THRB: variants seen among roughly 807,000 people sequenced by gnomAD.
The protein encoded by THRB is thyroid hormone receptor beta.
A neutral mutation model predicts 47.8 loss-of-function variants in THRB; 12 were observed. The ratio of observed to expected loss-of-function variants is 0.25; its 90% confidence interval spans 0.16 to 0.41. The LOEUF (loss-of-function observed/expected upper bound fraction) is 0.41. THRB is among the 10% of genes least tolerant of loss of function. THRB has a pLI of 1.00. For synonymous variants in THRB, 218 were observed against 212.2 expected (o/e 1.03, Z -0.24); for missense variants, 348 against 589.2 (o/e 0.59, Z 4.24).
At chr3:24,478,615 G>C (rs1220853826) in intron 1 of THRB, among the ~76,000 whole-genome samples, 1 of 152,146 alleles carries the variant, frequency 6.6e-6, no homozygotes, top group Non-Finnish European at 1.5e-5. Context: ...AGGATAGGAA[G>C]AGGCAGTGAG....
At chr3:24,280,062 ATTAT>A (rs1357402132) in intron 3 of THRB, among the ~76,000 whole-genome samples, 6 of 152,198 alleles carry the variant, frequency 3.9e-5, no homozygotes, top group African/African-American at 1.4e-4. Flanking sequence ...CTCAAAGATA[ATTAT>A]TTATTATCTT....
intron 1 of THRB, among the ~76,000 whole-genome samples, chr3:24,441,825 T>C (rs1183686823): frequency 2.0e-5 from 3 of 152,174 alleles, no homozygotes; most frequent in Admixed American, 2.0e-4. Flanking sequence ...TATCTCACTC[T>C]AGTCTCCCCA....
chr3:24,438,061 C>T (rs2125363986), intron 1 of THRB, among the ~76,000 whole-genome samples: 1 of 143,894 alleles, frequency 6.9e-6, no homozygotes, highest in Middle Eastern at 3.5e-3. Context: ...CTTCATGAGA[C>T]TGACAGTTAG....
At chr3:24,257,664 GT>G (rs2051444858) in intron 3 of THRB, among the ~76,000 whole-genome samples, 1 of 152,220 alleles carries the variant, frequency 6.6e-6, no homozygotes, top group Non-Finnish European at 1.5e-5. Context: ...CACAGACAAT[GT>G]TAAGTGAATG....
chr3:24,435,462 A>G (rs1477607771), intron 1 of THRB, among the ~76,000 whole-genome samples: 1 of 152,164 alleles, frequency 6.6e-6, no homozygotes, highest in Admixed American at 6.6e-5. Context: ...CGGTAGGTAA[A>G]GGACAGAAAT....
At chr3:24,446,667 T>C (rs1443047952) in intron 1 of THRB, among the ~76,000 whole-genome samples, 4 of 152,126 alleles carry the variant, frequency 2.6e-5, no homozygotes, top group Non-Finnish European at 4.4e-5. Flanking sequence ...GTATAATTCA[T>C]GGAGCTTTAT....
intron 1 of THRB, among the ~76,000 whole-genome samples, chr3:24,439,331 A>ATC (rs2071297734): frequency 1.3e-5 from 2 of 152,130 alleles, no homozygotes; most frequent in South Asian, 2.1e-4. Flanking sequence ...CACTAACAGC[A>ATC]TCTACTATAG....
intron 1 of THRB, among the ~76,000 whole-genome samples, chr3:24,434,276 G>A (rs1247508156): frequency 6.6e-6 from 1 of 152,166 alleles, no homozygotes; most frequent in African/African-American, 2.4e-5. Context: ...GATTTGCCTT[G>A]GAGCCTTCTG....
chr3:24,316,555 G>A (rs1029335426), intron 2 of THRB, among the ~76,000 whole-genome samples: 3 of 150,356 alleles, frequency 2.0e-5, no homozygotes, highest in African/African-American at 7.4e-5. Context: ...CTCACCTGAT[G>A]CCCCTAGAGT....
Position 24,165,071 on chromosome 3 carries a change from G to A in THRB, c.284-12581C>T, listed in dbSNP as rs759774491. 5.2e-6 allele frequency: 4 copies of A among 763,372 alleles called. No homozygotes were observed. The South Asian group carries it at 5.4e-5, about 10-fold the overall frequency. The allele number at this position is 763,372 out of a possible 1,614,324, so 47.3% of individuals were successfully genotyped here. On this transcript the variant is annotated intron_variant, in intron 5 of 10. Transcript: ENST00000646209. ...TGGCGACTGCACTTGAGAAAAAGTA[G>A]GCTTTTCTTCAGTGAAATATTCAGG...
intron 2 of THRB, among the ~76,000 whole-genome samples, chr3:24,337,059 C>T (rs1348925991): frequency 2.0e-5 from 3 of 152,144 alleles, no homozygotes; most frequent in Non-Finnish European, 1.5e-5. Flanking sequence ...TGAAAATGGG[C>T]TCTTTTCTCT....
At chr3:24,392,685 G>A (rs1280837631) in intron 1 of THRB, among the ~76,000 whole-genome samples, 1 of 152,062 alleles carries the variant, frequency 6.6e-6, no homozygotes, top group Non-Finnish European at 1.5e-5. Flanking sequence ...AATGTCTTAG[G>A]CTATAACTGA....
intron 1 of THRB, among the ~76,000 whole-genome samples, chr3:24,466,681 T>TAC (rs1398424234): frequency 6.6e-6 from 1 of 152,228 alleles, no homozygotes; most frequent in Non-Finnish European, 1.5e-5. Flanking sequence ...CTTGTGTTTA[T>TAC]ACTATAGTGT....
intron 1 of THRB, among the ~76,000 whole-genome samples, chr3:24,391,540 A>T (rs1017417922): frequency 6.6e-6 from 1 of 152,212 alleles, no homozygotes; most frequent in Non-Finnish European, 1.5e-5. Flanking sequence ...TTTTATTTTT[A>T]AACAATGGTA....
intron 4 of THRB, among the ~76,000 whole-genome samples, chr3:24,215,520 A>G (rs529409845): frequency 5.9e-5 from 9 of 152,354 alleles, no homozygotes; most frequent in African/African-American, 2.2e-4. Context: ...TAAAACCTGG[A>G]ATAGGGTCAG....
intron 1 of THRB, among the ~76,000 whole-genome samples, chr3:24,420,609 T>C (rs186350666): frequency 6.6e-6 from 1 of 152,004 alleles, no homozygotes; most frequent in Admixed American, 6.6e-5. Flanking sequence ...AAGCTCAACA[T>C]CACTGATCAT....
At chr3:24,220,332 A>G (rs1474250939) in intron 4 of THRB, among the ~76,000 whole-genome samples, 2 of 152,138 alleles carry the variant, frequency 1.3e-5, no homozygotes, top group Non-Finnish European at 2.9e-5. Flanking sequence ...CTCTACAAAA[A>G]ATACAAAAAT....
intron 4 of THRB, among the ~76,000 whole-genome samples, chr3:24,227,079 T>C (rs895662185): frequency 6.6e-6 from 1 of 152,102 alleles, no homozygotes; most frequent in Non-Finnish European, 1.5e-5. Context: ...TTTTACACCA[T>C]GTTTTGCCAT....
chr3:24,233,999 G>A (rs2048613779), intron 3 of THRB, among the ~76,000 whole-genome samples: 2 of 152,206 alleles, frequency 1.3e-5, no homozygotes, highest in Non-Finnish European at 2.9e-5. Flanking sequence ...CCTCTCTTGA[G>A]ATGACCTGGG....
Sources: allele counts gnomAD v4.1 joint callset (sites outside exome capture counted in the v4.1 genomes callset), GRCh38; gene constraint gnomAD v4.1.1; transcripts MANE v1.5; gene names NCBI Gene and HGNC (gene_info 2026-07-23, HGNC 2026-07-21).